Variants in PLA2G7 observed in about 807,000 individuals in gnomAD.
PLA2G7 encodes platelet-activating factor acetylhydrolase.
PLA2G7 carries 63 observed loss-of-function variants against 49.6 expected under a neutral mutation model. The observed-to-expected ratio is 1.27, with a 90% confidence interval of 1.04 to 1.57. The LOEUF (loss-of-function observed/expected upper bound fraction) is 1.57. Ranked by LOEUF, PLA2G7 falls within the 40% of genes most tolerant of loss-of-function variation. The pLI is 0.00. For synonymous variants in PLA2G7, 193 were observed against 169.9 expected, an observed-to-expected ratio of 1.14 and a Z score of -1.06; for missense variants, 596 against 521.2, an observed-to-expected ratio of 1.14 and a Z score of -1.40.
chr6:46,716,305 T>G, intron 4 of PLA2G7, 79 bp downstream of exon 4: 1 of 1,462,792 alleles, frequency 6.8e-7, no homozygotes, highest in Admixed American at 1.7e-5. Context: ...ACTTTGGTCT[T>G]AACTACTTGA....
chr6:46,717,142 C>T, intron 2 of PLA2G7, 46 bp from the exon 3 acceptor site: 1 of 1,553,318 alleles, frequency 6.4e-7, no homozygotes, highest in East Asian at 2.2e-5. Context: ...CATTACATAT[C>T]AGATTTTATT....
At chr6:46,715,354 A>C (rs1027934013) in intron 4 of PLA2G7, among the ~76,000 whole-genome samples, 22 of 152,214 alleles carry the variant, frequency 1.4e-4, no homozygotes, top group Admixed American at 1.2e-3. Flanking sequence ...CTTCCTAACT[A>C]TGGATCTTGG....
At chr6:46,713,457 G>A (rs982539481) in intron 5 of PLA2G7, among the ~76,000 whole-genome samples, 1 of 152,164 alleles carries the variant, frequency 6.6e-6, no homozygotes, top group African/African-American at 2.4e-5. Flanking sequence ...AATGGGTGTG[G>A]CTGTGTTCTA....
chr6:46,709,773 C>T (rs1447381639), intron 8 of PLA2G7, among the ~76,000 whole-genome samples: 2 of 152,164 alleles, frequency 1.3e-5, no homozygotes, highest in African/African-American at 4.8e-5. Flanking sequence ...AGTACCTACT[C>T]TGTGCCAGGT....
intron 3 of PLA2G7, 58 bp downstream of exon 3, chr6:46,716,916 GT>G (rs1765221569): frequency 2.4e-5 from 37 of 1,545,142 alleles, no homozygotes; most frequent in Non-Finnish European, 8.9e-7. Context: ...CCTTCTAGTG[GT>G]CCATAGCGAC....
At chr6:46,720,864 A>G (rs1266114557) in intron 2 of PLA2G7, among the ~76,000 whole-genome samples, 1 of 152,204 alleles carries the variant, frequency 6.6e-6, no homozygotes, top group African/African-American at 2.4e-5. Flanking sequence ...ACACTCTTAT[A>G]TGGCTTTATG....
At chr6:46,722,961 G>T in intron 1 of PLA2G7, 36 bp from the exon 2 acceptor site, 1 of 838,650 alleles carries the variant, frequency 1.2e-6, no homozygotes, top group Non-Finnish European at 2.0e-6. Context: ...AAAGAAGTAT[G>T]CAATGAAGAG....
chr6:46,711,461 G>A, intron 7 of PLA2G7, 35 bp downstream of exon 7: 1 of 1,611,450 alleles, frequency 6.2e-7, no homozygotes, highest in Non-Finnish European at 8.5e-7. Context: ...CATGCTTTTA[G>A]GTCACCAACC....
intron 1 of PLA2G7, among the ~76,000 whole-genome samples, chr6:46,732,190 C>T (rs1452796977): frequency 6.6e-6 from 1 of 152,210 alleles, no homozygotes; most frequent in East Asian, 1.9e-4. Flanking sequence ...GGCATTCCAA[C>T]TGTGCCTCCA....
chr6:46,733,727 G>T (rs979895348), intron 1 of PLA2G7, among the ~76,000 whole-genome samples: 1 of 152,190 alleles, frequency 6.6e-6, no homozygotes, highest in African/African-American at 2.4e-5. Context: ...CCAGTGCCTC[G>T]TGACCAGAAG....
chr6:46,713,286 C>A (rs181791147), intron 5 of PLA2G7, among the ~76,000 whole-genome samples: 173 of 152,128 alleles, frequency 1.1e-3, no homozygotes, highest in Non-Finnish European at 2.0e-3. Flanking sequence ...GATACAGGAC[C>A]TTTTCAAGAG....
chr6:46,714,837 G>A (rs992619384), intron 4 of PLA2G7, among the ~76,000 whole-genome samples: 2 of 150,264 alleles, frequency 1.3e-5, no homozygotes, highest in East Asian at 2.0e-4. Flanking sequence ...CCGGGTTCAA[G>A]CGATTCTCCT....
chr6:46,711,455 C>T (rs1562070175), intron 7 of PLA2G7, 41 bp downstream of exon 7: 2 of 1,609,888 alleles, frequency 1.2e-6, no homozygotes, highest in Non-Finnish European at 8.5e-7. Flanking sequence ...TTTGTACATG[C>T]TTTTAGGTCA....
intron 1 of PLA2G7, among the ~76,000 whole-genome samples, chr6:46,724,467 G>C (rs997684159): frequency 6.6e-6 from 1 of 152,192 alleles, no homozygotes; most frequent in Non-Finnish European, 1.5e-5. Context: ...TGAAGCACTC[G>C]TTAGTATAGC....
At chr6:46,716,174 G>A (rs894893880) in intron 4 of PLA2G7, among the ~76,000 whole-genome samples, 1 of 152,128 alleles carries the variant, frequency 6.6e-6, no homozygotes, top group Non-Finnish European at 1.5e-5. Flanking sequence ...TGATACTCTC[G>A]GCCACTCCCA....
chr6:46,706,042 C>G (rs1764814407), intron 10 of PLA2G7, among the ~76,000 whole-genome samples: 1 of 152,152 alleles, frequency 6.6e-6, no homozygotes, highest in Admixed American at 6.5e-5. Flanking sequence ...ACTGGCAGAC[C>G]AACTCTTTTC....
intron 6 of PLA2G7, among the ~76,000 whole-genome samples, chr6:46,711,854 G>A (rs543185536): frequency 1.3e-5 from 2 of 152,028 alleles, no homozygotes; most frequent in African/African-American, 4.8e-5. Flanking sequence ...CCTAATTCTG[G>A]GAGGCAATGT....
intron 10 of PLA2G7, among the ~76,000 whole-genome samples, chr6:46,707,220 A>G (rs1764858331): frequency 1.3e-5 from 2 of 152,166 alleles, no homozygotes; most frequent in African/African-American, 4.8e-5. Context: ...GTCTCAGTCG[A>G]TAATCTGACT....
At chr6:46,725,440 C>T (rs1582585059) in intron 1 of PLA2G7, among the ~76,000 whole-genome samples, 1 of 151,986 alleles carries the variant, frequency 6.6e-6, no homozygotes, top group East Asian at 1.9e-4. Context: ...CCATGTTGGC[C>T]AGGATGGTCT....
Sources: allele counts gnomAD v4.1 joint callset (sites outside exome capture counted in the v4.1 genomes callset), GRCh38; gene constraint gnomAD v4.1.1; transcripts MANE v1.5; gene names NCBI Gene and HGNC (gene_info 2026-07-23, HGNC 2026-07-21).